The following DYDC2 variants were observed in gnomAD, a reference collection of about 807,000 sequenced individuals.
The protein encoded by DYDC2 is DPY30 domain-containing protein 2.
DYDC2 carries 19 observed loss-of-function variants against 18.7 expected under a neutral mutation model. The observed-to-expected ratio is 1.02, with a 90% CI of 0.71 to 1.49. The LOEUF is 1.49. Among genes scored for constraint, DYDC2 ranks in the 40% most tolerant of loss-of-function variants. The pLI, the probability that DYDC2 is intolerant of heterozygous loss-of-function variation, is 0.00. For synonymous variants in DYDC2, 63 were observed against 67.6 expected (o/e 0.93, Z 0.34); for missense variants, 179 against 205.1 (o/e 0.87, Z 0.78).
upstream of DYDC2, among the ~76,000 whole-genome samples, chr10:80,354,872 C>A (rs61859198): frequency 0.099 from 15,062 of 152,052 alleles, 1,012 homozygotes; most frequent in South Asian, 0.28. Context: ...TTTAAGCCAC[C>A]CAGTGTTGGT....
chr10:80,345,248 A>G (rs1842541881), intron 1 of DYDC2, among the ~76,000 whole-genome samples: 2 of 152,186 alleles, frequency 1.3e-5, no homozygotes, highest in Non-Finnish European at 2.9e-5. Flanking sequence ...CTGATGTCCT[A>G]CCACACAGCA....
upstream of DYDC2, among the ~76,000 whole-genome samples, chr10:80,353,977 G>A (rs1280563494): frequency 1.3e-4 from 20 of 152,022 alleles, no homozygotes; most frequent in African/African-American, 3.4e-4. Flanking sequence ...TTAGCTGGGC[G>A]TGGTGGCGGG....
At chr10:80,360,636 C>T (rs1270397541) in intron 2 of DYDC2, among the ~76,000 whole-genome samples, 1 of 152,156 alleles carries the variant, frequency 6.6e-6, no homozygotes, top group Non-Finnish European at 1.5e-5. Flanking sequence ...ACTCATATTT[C>T]CATTATTCAA....
rs777172681 is a variant in DYDC2, at chr10:80,358,377, TAAAAATA to T, written c.-10+343_-10+349del. On this transcript the variant is annotated intron_variant, in intron 2 of 4. Transcript: ENST00000256039. ...TGGGCGACAGACCAAGGCTCTCTCT[TAAAAATA>T]AAAAATAAAAGGCATCCCCTTGACT... is the stretch of plus-strand genomic sequence containing the variant. Among the ~76,000 whole-genome samples, 6 of 151,988 alleles carry T rather than the reference TAAAAATA, an allele frequency of 3.9e-5. No individual in the cohort carries two copies. The South Asian group carries it at 1.0e-3, about 26-fold the overall frequency.
At chr10:80,364,536 G>C (rs1185127679) in intron 4 of DYDC2, among the ~76,000 whole-genome samples, 1 of 152,102 alleles carries the variant, frequency 6.6e-6, no homozygotes, top group Non-Finnish European at 1.5e-5. Flanking sequence ...AAAATTTCTC[G>C]GTTCACATCA....
intron 1 of DYDC2, among the ~76,000 whole-genome samples, chr10:80,347,369 T>C (rs897540962): frequency 2.7e-5 from 4 of 148,308 alleles, no homozygotes; most frequent in Non-Finnish European, 5.9e-5. Context: ...TTATCAGATA[T>C]ATGGTTCACA....
Position 80,367,034 on chromosome 10 carries a change from G to A in DYDC2, c.*83G>A. The A allele has an allele frequency of 6.6e-7, 1 of 1,505,098 alleles. No homozygotes were observed. Among genetic ancestry groups the A allele is most frequent in the Non-Finnish European group, 8.9e-7 (1 of 1,127,872 alleles). The allele number at this position is 1,505,098 out of a possible 1,614,324, so 93.2% of individuals were successfully genotyped here. Reference sequence around the variant, plus strand: ...GGCCAGCTAGAACCAAGATTTAAGGGGCTGTAAAAGGCAAGTTCAGGGACT... The same window carrying A: ...GGCCAGCTAGAACCAAGATTTAAGGAGCTGTAAAAGGCAAGTTCAGGGACT... On this transcript the variant is annotated 3_prime_UTR_variant, in exon 5 of 5. Coordinates refer to ENST00000256039, the MANE Select transcript of DYDC2 (RefSeq NM_032372.6).
chr10:80,361,101 CT>C (rs1238983528), intron 2 of DYDC2, among the ~76,000 whole-genome samples: 3 of 152,066 alleles, frequency 2.0e-5, no homozygotes, highest in African/African-American at 7.2e-5. Flanking sequence ...CAGGCCCAAT[CT>C]AGGATCATGT....
chr10:80,359,224 A>G (rs1424701200), intron 2 of DYDC2, among the ~76,000 whole-genome samples: 1 of 152,210 alleles, frequency 6.6e-6, no homozygotes, highest in African/African-American at 2.4e-5. Context: ...CTTGAGCTAG[A>G]CACAAAAGTT....
intron 2 of DYDC2, among the ~76,000 whole-genome samples, chr10:80,362,086 T>A (rs17616335): frequency 0.022 from 3,311 of 152,340 alleles, 51 homozygotes; most frequent in Non-Finnish European, 0.031. Flanking sequence ...TGTTTTTCCT[T>A]CCTTAAGCTA....
chr10:80,357,581 T>A (rs1843463508), intron 1 of DYDC2, among the ~76,000 whole-genome samples: 1 of 152,122 alleles, frequency 6.6e-6, no homozygotes, highest in African/African-American at 2.4e-5. Flanking sequence ...TTCACAACTC[T>A]GCACCTTTGC....
chr10:80,351,862 T>C (rs376617182), upstream of DYDC2: 2 of 1,593,462 alleles, frequency 1.3e-6, no homozygotes. Flanking sequence ...GTTGGCATCG[T>C]TAATTCCAGT....
chr10:80,362,798 G>A (rs1466631962), intron 3 of DYDC2, among the ~76,000 whole-genome samples, 153 bp from the exon 4 acceptor site: 1 of 152,170 alleles, frequency 6.6e-6, no homozygotes, highest in African/African-American at 2.4e-5. Context: ...TGGAGTTGAA[G>A]GGTTTGTAAC....
intron 4 of DYDC2, 72 bp from the exon 5 acceptor site, chr10:80,366,616 G>T (rs564103415): frequency 6.7e-7 from 1 of 1,502,796 alleles, no homozygotes; most frequent in Non-Finnish European, 8.9e-7. Context: ...TAGCAATACT[G>T]TGTTTTTGCC....
At chr10:80,346,463 T>TTTTTTTTTTC in intron 1 of DYDC2, among the ~76,000 whole-genome samples, 1 of 130,764 alleles carries the variant, frequency 7.6e-6, no homozygotes. Context: ...TTTTTTTTTT[T>TTTTTTTTTTC]TTTTTTTTCT....
intron 4 of DYDC2, among the ~76,000 whole-genome samples, chr10:80,365,601 C>T (rs1843804968): frequency 6.6e-6 from 1 of 152,188 alleles, no homozygotes; most frequent in South Asian, 2.1e-4. Context: ...TGTACAACTT[C>T]CAGGCAAAGA....
At position 80,366,814 on chromosome 10, in the gene DYDC2, C is replaced by T; in HGVS notation, c.397C>T (p.Pro133Ser). The change falls in exon 5 of 5, where the codon CCT (proline) becomes TCT (serine). Residue 133 changes from proline (P) to serine (S), a missense_variant. Pro to Ser is a moderately conservative substitution (Grantham distance 74). Transcript: ENST00000256039. ...TACTTCCAGTCTGATTCCAGGAATG[C>T]CTCAACAGGTTCCTCCTTCAGAGTC... is the stretch of plus-strand genomic sequence containing the variant. ...PGTSSLIPGM[P>S]QQVPPSESAG... 2 of 1,614,188 alleles carry T rather than the reference C, an allele frequency of 1.2e-6. No individual in the cohort carries two copies. Among genetic ancestry groups the T allele is most frequent in the South Asian group, 2.2e-5 (2 of 91,088 alleles).
At chr10:80,345,643 A>G (rs1348458865) in intron 1 of DYDC2, among the ~76,000 whole-genome samples, 2 of 151,686 alleles carry the variant, frequency 1.3e-5, no homozygotes, top group African/African-American at 4.8e-5. Context: ...TTATGTATTC[A>G]ACATTTTTTT....
At chr10:80,352,624 G>A, upstream of DYDC2, 1 of 1,591,818 alleles carries the variant, frequency 6.3e-7, no homozygotes, top group Non-Finnish European at 8.5e-7. Flanking sequence ...AAAAGTAAGT[G>A]TTTTTGCATT....
Sources: gnomAD v4.1 joint callset for allele counts (sites outside exome capture counted in the v4.1 genomes callset) on GRCh38, gnomAD v4.1.1 for gene constraint, MANE v1.5 for transcripts, NCBI Gene and HGNC (gene_info 2026-07-23, HGNC 2026-07-21) for gene names.